AKT3: variants seen among roughly 807,000 people sequenced by gnomAD.
AKT3 encodes RAC-gamma serine/threonine-protein kinase.
A neutral mutation model predicts 65.3 loss-of-function variants in AKT3; 15 were observed. The ratio of observed to expected loss-of-function variants is 0.23; its 90% confidence interval spans 0.15 to 0.35. AKT3 has a LOEUF of 0.35. Among genes scored for constraint, AKT3 ranks in the 10% least tolerant of loss-of-function variants. AKT3 has a pLI of 1.00. For synonymous variants in AKT3, 206 were observed against 183.8 expected (o/e 1.12, Z -0.98); for missense variants, 243 against 576.5 (o/e 0.42, Z 5.92).
At chr1:243,590,715 G>A (rs1676165593) in intron 8 of AKT3, among the ~76,000 whole-genome samples, 1 of 152,090 alleles carries the variant, frequency 6.6e-6, no homozygotes, top group Non-Finnish European at 1.5e-5. Context: ...TTCTGAATGT[G>A]AAATCATAGC....
chr1:243,712,653 G>A (rs1686236590), intron 2 of AKT3, among the ~76,000 whole-genome samples: 1 of 151,914 alleles, frequency 6.6e-6, no homozygotes, highest in Admixed American at 6.6e-5. Context: ...CATATTGATT[G>A]GTTCTGAAAT....
chr1:243,635,326 A>G (rs903184050), intron 6 of AKT3, among the ~76,000 whole-genome samples: 1 of 151,954 alleles, frequency 6.6e-6, no homozygotes, highest in Admixed American at 6.6e-5. Flanking sequence ...CTTATACTAA[A>G]TAAGAGAGAT....
At chr1:243,506,519 G>T (rs943441044) in intron 13 of AKT3, among the ~76,000 whole-genome samples, 2 of 152,210 alleles carry the variant, frequency 1.3e-5, no homozygotes, top group African/African-American at 4.8e-5. Context: ...AAGAGGAGGG[G>T]GCTCTGCCTT....
intron 3 of AKT3, among the ~76,000 whole-genome samples, chr1:243,690,320 G>C (rs1378079349): frequency 6.6e-6 from 1 of 152,160 alleles, no homozygotes; most frequent in Non-Finnish European, 1.5e-5. Context: ...CAAAATGTTA[G>C]CAAGACCATG....
At chr1:243,541,561 ATAGT>A (rs1350141253) in intron 12 of AKT3, among the ~76,000 whole-genome samples, 1 of 152,102 alleles carries the variant, frequency 6.6e-6, no homozygotes, top group Non-Finnish European at 1.5e-5. Context: ...TTGGAGAATA[ATAGT>A]TAGAAACCCA....
At chr1:243,659,318 A>G (rs1258436072) in intron 4 of AKT3, among the ~76,000 whole-genome samples, 3 of 152,356 alleles carry the variant, frequency 2.0e-5, no homozygotes, top group Non-Finnish European at 4.4e-5. Flanking sequence ...GTCATGCCAG[A>G]TGAAAACGTT....
intron 2 of AKT3, among the ~76,000 whole-genome samples, chr1:243,777,355 G>C (rs1182126003): frequency 3.9e-5 from 6 of 152,162 alleles, no homozygotes; most frequent in African/African-American, 1.2e-4. Flanking sequence ...CCTGCCGTGT[G>C]GCCTGGCAGG....
intron 2 of AKT3, among the ~76,000 whole-genome samples, chr1:243,796,737 T>C (rs1402667357): frequency 1.3e-5 from 2 of 152,080 alleles, no homozygotes; most frequent in Admixed American, 1.3e-4. Context: ...ATTTTTCAGA[T>C]CTCAGTTCAA....
intron 2 of AKT3, among the ~76,000 whole-genome samples, chr1:243,737,908 C>T (rs781429871): frequency 7.9e-5 from 12 of 152,138 alleles, no homozygotes; most frequent in Non-Finnish European, 1.3e-4. Context: ...CATTGAAGTA[C>T]TGTGGTCTCT....
chr1:243,845,477 C>T (rs1160143558), intron 1 of AKT3, among the ~76,000 whole-genome samples: 3 of 7,606 alleles, frequency 3.9e-4, no homozygotes, highest in Non-Finnish European at 9.1e-4. Flanking sequence ...GTGGCAGGCA[C>T]CTGTAGTCCC....
At chr1:243,629,110 C>G (rs1483826385) in intron 6 of AKT3, among the ~76,000 whole-genome samples, 1 of 152,060 alleles carries the variant, frequency 6.6e-6, no homozygotes, top group Admixed American at 6.5e-5. Flanking sequence ...AACCCCGCCT[C>G]TACTAAATAC....
At chr1:243,721,653 T>A (rs1686913918) in intron 2 of AKT3, among the ~76,000 whole-genome samples, 1 of 152,146 alleles carries the variant, frequency 6.6e-6, no homozygotes, top group Non-Finnish European at 1.5e-5. Context: ...ACCCTTATAA[T>A]TCTTATATTT....
chr1:243,678,194 A>G (rs1683664415), intron 3 of AKT3, among the ~76,000 whole-genome samples: 1 of 152,194 alleles, frequency 6.6e-6, no homozygotes, highest in Non-Finnish European at 1.5e-5. Flanking sequence ...AGGGGAAGGT[A>G]TAGATGTGTT....
At chr1:243,740,534 A>G (rs41269381) in intron 2 of AKT3, among the ~76,000 whole-genome samples, 5,802 of 152,262 alleles carry the variant, frequency 0.038, 135 homozygotes, top group Middle Eastern at 0.088. Context: ...TCCTCTATGC[A>G]AGAGATCAGC....
intron 4 of AKT3, among the ~76,000 whole-genome samples, chr1:243,663,399 A>G (rs1434738809): frequency 6.8e-6 from 1 of 146,734 alleles, no homozygotes; most frequent in African/African-American, 2.5e-5. Context: ...CTCAGTATTA[A>G]TTATCAAGGG....
At chr1:243,786,242 T>A (rs918976595) in intron 2 of AKT3, among the ~76,000 whole-genome samples, 2 of 152,242 alleles carry the variant, frequency 1.3e-5, no homozygotes, top group Non-Finnish European at 2.9e-5. Flanking sequence ...TATGCTTCCA[T>A]CTCCTGAAAA....
intron 13 of AKT3, among the ~76,000 whole-genome samples, chr1:243,493,355 G>C (rs1181833010): frequency 6.6e-6 from 1 of 152,190 alleles, no homozygotes; most frequent in East Asian, 1.9e-4. Flanking sequence ...GGCTAGGAAG[G>C]TTGGAGCCAG....
intron 2 of AKT3, among the ~76,000 whole-genome samples, chr1:243,714,108 G>C (rs182044015): frequency 4.6e-5 from 7 of 152,270 alleles, no homozygotes; most frequent in Admixed American, 2.0e-4. Context: ...CACAGTAATT[G>C]TACCATATGG....
At chr1:243,514,730 G>A (rs531237174) in intron 12 of AKT3, among the ~76,000 whole-genome samples, 1 of 152,192 alleles carries the variant, frequency 6.6e-6, no homozygotes, top group Non-Finnish European at 1.5e-5. Context: ...GGAGGCTGAC[G>A]TGGAAGGATC....
Sources: allele counts gnomAD v4.1 joint callset (sites outside exome capture counted in the v4.1 genomes callset), GRCh38; gene constraint gnomAD v4.1.1; transcripts MANE v1.5; gene names NCBI Gene and HGNC (gene_info 2026-07-23, HGNC 2026-07-21).